The following MED26 variants were observed in gnomAD, a reference collection of about 807,000 sequenced individuals.
MED26 encodes mediator of RNA polymerase II transcription subunit 26.
A neutral mutation model predicts 43.7 loss-of-function variants in MED26; 7 were observed. The observed-to-expected ratio is 0.16, with a 90% CI of 0.09 to 0.30. The LOEUF (loss-of-function observed/expected upper bound fraction) is 0.30, where lower values mean the gene tolerates loss of function less well. MED26 is among the 10% of genes least tolerant of loss of function. MED26 has a pLI of 1.00. For synonymous variants in MED26, 375 were observed against 371.1 expected (o/e 1.01, Z -0.12); for missense variants, 784 against 840.6 (o/e 0.93, Z 0.83).
chr19:16,608,789 C>A (rs1271129486), intron 1 of MED26, among the ~76,000 whole-genome samples: 2 of 152,114 alleles, frequency 1.3e-5, no homozygotes, highest in African/African-American at 4.8e-5. Context: ...ATATGGCCTG[C>A]AAAGATGAAA....
intron 1 of MED26, among the ~76,000 whole-genome samples, chr19:16,613,817 G>A (rs59327073): frequency 2.6e-5 from 4 of 152,154 alleles, no homozygotes; most frequent in African/African-American, 9.7e-5. Flanking sequence ...GTCCCTTATA[G>A]ATTTACACCA....
At chr19:16,601,064 C>T (rs1024009136) in intron 1 of MED26, among the ~76,000 whole-genome samples, 1 of 151,892 alleles carries the variant, frequency 6.6e-6, no homozygotes, top group African/African-American at 2.4e-5. Flanking sequence ...CACTCCAGCC[C>T]TTTTACAAGC....
intron 1 of MED26, among the ~76,000 whole-genome samples, chr19:16,614,628 T>A (rs1599346913): frequency 1.3e-5 from 2 of 151,712 alleles, no homozygotes. Flanking sequence ...GCCTGAGGGG[T>A]TCACCAGGCC....
rs541299950 is a variant in MED26, at chr19:16,584,303, C to G, written c.73-5894G>C. Among the ~76,000 whole-genome samples, 43 of 131,976 alleles carry G rather than the reference C, an allele frequency of 3.3e-4. 1 individual carries two copies. The East Asian group carries it at 4.9e-3, about 15-fold the overall frequency. 86.6% of individuals were successfully genotyped at this position (131,976 alleles called of 152,430 possible). A position where few individuals can be genotyped will look rare whatever the true frequency, so the allele number is the denominator to read the frequency against. On this transcript the variant is annotated intron_variant, in intron 1 of 2. Transcript: ENST00000263390. ...CCGAAACCCAAACACTGCCCCCCCCCGCCCCGCCAAAAAAAAACAAAAAAC... is the reference window on the plus strand; with the variant it reads ...CCGAAACCCAAACACTGCCCCCCCCGGCCCCGCCAAAAAAAAACAAAAAAC...
chr19:16,584,566 C>G (rs1599333293), intron 1 of MED26, among the ~76,000 whole-genome samples: 1 of 152,344 alleles, frequency 6.6e-6, no homozygotes, highest in Non-Finnish European at 1.5e-5. Context: ...ACACCTCATT[C>G]TCCCACACCC....
chr19:16,602,459 G>C (rs75707929), intron 1 of MED26, among the ~76,000 whole-genome samples: 1 of 152,106 alleles, frequency 6.6e-6, no homozygotes, highest in Non-Finnish European at 1.5e-5. Flanking sequence ...ACTTAACTCA[G>C]AAACAACCGC....
chr19:16,607,402 T>A (rs78829011), intron 1 of MED26, among the ~76,000 whole-genome samples: 7,791 of 147,630 alleles, frequency 0.053, 275 homozygotes, highest in South Asian at 0.066. Context: ...AAAAGGAGCA[T>A]GTCCATATTG....
chr19:16,616,538 T>C (rs1599347786), intron 1 of MED26, among the ~76,000 whole-genome samples: 1 of 152,088 alleles, frequency 6.6e-6, no homozygotes, highest in East Asian at 1.9e-4. Context: ...GAAGAAGGAC[T>C]CCAGGATGGC....
chr19:16,588,736 G>A (rs1180551259), intron 1 of MED26: 1 of 152,308 alleles, frequency 6.6e-6, no homozygotes, highest in Non-Finnish European at 1.5e-5. Context: ...CATTCAGGCA[G>A]GGCAGTGCCC....
intron 1 of MED26, among the ~76,000 whole-genome samples, chr19:16,598,946 G>A (rs1380406482): frequency 1.3e-5 from 2 of 152,142 alleles, no homozygotes; most frequent in Non-Finnish European, 2.9e-5. Flanking sequence ...ACATACTGGG[G>A]AAACAACTGA....
chr19:16,579,842 T>C (rs2086035713), intron 1 of MED26, among the ~76,000 whole-genome samples: 1 of 152,248 alleles, frequency 6.6e-6, no homozygotes, highest in Admixed American at 6.5e-5. Flanking sequence ...ATATCCCTTG[T>C]GTATATAGGC....
intron 1 of MED26, among the ~76,000 whole-genome samples, chr19:16,601,350 T>C (rs1023472866): frequency 1.3e-5 from 2 of 152,052 alleles, no homozygotes; most frequent in African/African-American, 4.8e-5. Context: ...AGACAGGGTT[T>C]CTCCATGTTG....
chr19:16,602,651 A>G (rs1447336623), intron 1 of MED26, among the ~76,000 whole-genome samples: 3 of 152,258 alleles, frequency 2.0e-5, no homozygotes, highest in Non-Finnish European at 4.4e-5. Flanking sequence ...GAACAACAGG[A>G]CAGTATTTCA....
chr19:16,578,227 C>T, intron 2 of MED26, 108 bp downstream of exon 2: 3 of 1,065,316 alleles, frequency 2.8e-6, no homozygotes, highest in Non-Finnish European at 4.4e-6. Flanking sequence ...TCTCTTGGTC[C>T]TCCGAAGCAA....
At chr19:16,582,861 C>T (rs953141206) in intron 1 of MED26, among the ~76,000 whole-genome samples, 9 of 152,324 alleles carry the variant, frequency 5.9e-5, no homozygotes, top group African/African-American at 9.6e-5. Context: ...CAAAGCCCTG[C>T]GGCAGGGGAG....
intron 1 of MED26, among the ~76,000 whole-genome samples, chr19:16,583,327 T>C (rs2086054871): frequency 6.6e-6 from 1 of 152,252 alleles, no homozygotes; most frequent in Non-Finnish European, 1.5e-5. Context: ...CTGTAGCCTC[T>C]CACTTCTCCA....
Position 16,577,613 on chromosome 19 carries a change from C to A in MED26, c.217G>T (p.Ala73Ser). ...TGCCAGCTCCGCAGCAGCTTCTTGG[C>A]CCGCTTGGCGAGCTCCTCGTTCTTG... ...KTKNEELAKR[A>S]KKLLRSWQKL... Residue 73 changes from alanine (A) to serine (S), a missense_variant, in exon 3 of 3, where the codon GCC becomes TCC. Physicochemically the swap from Ala to Ser is moderately conservative, Grantham distance 99. This residue lies in a region of MED26 where 28 missense variants were observed against 79.4 expected (regional missense o/e 0.35). Coordinates refer to ENST00000263390, the MANE Select transcript of MED26 (RefSeq NM_004831.5). This position sits in a 1 kb window ranked among gnomAD's most constrained non-coding sequence, Gnocchi z 8.1. The A allele has an allele frequency of 6.2e-7, 1 of 1,600,938 alleles. No individual in the cohort carries two copies. The highest frequency in any genetic ancestry group is 8.5e-7 in the Non-Finnish European group (1 of 1,171,298).
At chr19:16,614,641 T>C (rs1486673734) in intron 1 of MED26, among the ~76,000 whole-genome samples, 1 of 152,160 alleles carries the variant, frequency 6.6e-6, no homozygotes, top group Non-Finnish European at 1.5e-5. Flanking sequence ...ACCAGGCCAC[T>C]GGGTCCTGTC....
rs192064246 is a variant in MED26, at chr19:16,627,486, C to T, written c.72+386G>A. Among the ~76,000 whole-genome samples the T allele has an allele frequency of 1.2e-3, 188 of 152,366 alleles. 1 individual carries two copies. The highest frequency in any genetic ancestry group is 8.6e-3 in the Admixed American group (132 of 15,312). ...ACCCCGGACACCAGTTGCTTCACAG[C>T]CCTTCTCCCTCCCCTTCCCGCTCCG... On this transcript the variant is annotated intron_variant, in intron 1 of 2. Transcript: ENST00000263390.
Sources: allele counts gnomAD v4.1 joint callset (sites outside exome capture counted in the v4.1 genomes callset), GRCh38; gene constraint gnomAD v4.1.1; regional missense constraint gnomAD v4.1.1; non-coding constraint Gnocchi (gnomAD v3.1); transcripts MANE v1.5; gene names NCBI Gene and HGNC (gene_info 2026-07-23, HGNC 2026-07-21).